Variants in SLC1A3 observed in about 807,000 individuals in gnomAD.
The protein encoded by SLC1A3 is solute carrier family 1 member 3.
A neutral mutation model predicts 48.1 loss-of-function variants in SLC1A3; 21 were observed. The ratio of observed to expected loss-of-function variants is 0.44; its 90% CI spans 0.31 to 0.63. The LOEUF (loss-of-function observed/expected upper bound fraction) is 0.63, where lower values mean the gene tolerates loss of function less well. SLC1A3 is among the 20% of genes least tolerant of loss of function. SLC1A3 has a pLI of 0.08. For synonymous variants in SLC1A3, 239 were observed against 251.4 expected (o/e 0.95, Z 0.47); for missense variants, 546 against 689.0 (o/e 0.79, Z 2.32).
intron 3 of SLC1A3, among the ~76,000 whole-genome samples, chr5:36,633,290 A>G (rs1740207307): frequency 6.6e-6 from 1 of 152,146 alleles, no homozygotes; most frequent in African/African-American, 2.4e-5. Flanking sequence ...CTCAGAAGAA[A>G]TCTTTGGTGT....
upstream of SLC1A3, among the ~76,000 whole-genome samples, chr5:36,603,460 T>C (rs1738831305): frequency 6.6e-6 from 1 of 152,250 alleles, no homozygotes; most frequent in Non-Finnish European, 1.5e-5. Flanking sequence ...TCAATGTTTG[T>C]TGAAAGAATA....
intron 3 of SLC1A3, among the ~76,000 whole-genome samples, chr5:36,658,925 G>A (rs1158790796): frequency 1.3e-5 from 2 of 152,038 alleles, no homozygotes; most frequent in Admixed American, 1.3e-4. Flanking sequence ...ACTAACTCCA[G>A]TGCAGGTCCC....
intron 2 of SLC1A3, among the ~76,000 whole-genome samples, chr5:36,618,067 C>T (rs981071918): frequency 3.9e-5 from 6 of 152,174 alleles, no homozygotes; most frequent in Non-Finnish European, 7.4e-5. Context: ...GCAGTTTGTG[C>T]GGGTTCCGCA....
chr5:36,634,212 G>T (rs529792719), intron 3 of SLC1A3, among the ~76,000 whole-genome samples: 2 of 152,038 alleles, frequency 1.3e-5, no homozygotes, highest in Non-Finnish European at 2.9e-5. Flanking sequence ...GGAGGCTGAG[G>T]TTACAGTGAG....
chr5:36,607,263 C>G (rs953852810), intron 1 of SLC1A3: 5 of 152,086 alleles, frequency 3.3e-5, no homozygotes, highest in South Asian at 4.1e-4. Context: ...TTACCTCCCC[C>G]ACAGGCGCAC....
chr5:36,638,218 A>G (rs989448210), intron 3 of SLC1A3, among the ~76,000 whole-genome samples: 3 of 152,232 alleles, frequency 2.0e-5, no homozygotes, highest in Non-Finnish European at 4.4e-5. Flanking sequence ...AGGCTTCTTG[A>G]AGGTACTGTG....
At chr5:36,655,511 C>T (rs1741251589) in intron 3 of SLC1A3, among the ~76,000 whole-genome samples, 1 of 152,176 alleles carries the variant, frequency 6.6e-6, no homozygotes, top group Non-Finnish European at 1.5e-5. Context: ...CCTGAGTAAA[C>T]AATTAAAAGT....
chr5:36,601,229 G>A (rs1738804001), intron 1 of SLC1A3, among the ~76,000 whole-genome samples: 1 of 151,864 alleles, frequency 6.6e-6, no homozygotes, highest in East Asian at 1.9e-4. Context: ...TCATCACTGT[G>A]CTTCATAAAA....
chr5:36,681,582 T>G (rs1220442497), intron 8 of SLC1A3, among the ~76,000 whole-genome samples: 1 of 152,218 alleles, frequency 6.6e-6, no homozygotes, highest in Non-Finnish European at 1.5e-5. Context: ...GTTATTTTCC[T>G]TTCCATACCT....
intron 5 of SLC1A3, 29 bp from the exon 6 acceptor site, chr5:36,676,863 T>C (rs995787492): frequency 1.3e-6 from 2 of 1,563,774 alleles, no homozygotes; most frequent in Non-Finnish European, 1.7e-6. Context: ...AAATCACCTT[T>C]AATCCTCGTT....
rs778136913 is a variant in SLC1A3 at position 36,676,933 on chromosome 5, C to G, written c.609C>G (p.Ile203Met). 5 of 1,613,836 alleles carry G rather than the reference C, an allele frequency of 3.1e-6. No homozygotes were observed. The African/African-American group carries it at 5.3e-5, about 17-fold the overall frequency. Residue 203 changes from isoleucine (I) to methionine (M), a missense_variant, in exon 6 of 10, where the codon ATC becomes ATG. Around this residue, in one of 3 missense-constraint regions of SLC1A3, gnomAD observed 348 missense variants for 392.0 expected, o/e 0.89. Coordinates refer to ENST00000265113, the MANE Select transcript of SLC1A3 (RefSeq NM_004172.5). ...NYEKRSFKVPIQANETLVGAV... is the reference protein window; with the variant it reads ...NYEKRSFKVPMQANETLVGAV... ...AGAAGAGAAGCTTTAAAGTGCCCATCCAGGCCAACGAAACGCTTGTGGGTG... is the reference window on the plus strand; with the variant it reads ...AGAAGAGAAGCTTTAAAGTGCCCATGCAGGCCAACGAAACGCTTGTGGGTG...
At chr5:36,679,902 T>C in intron 7 of SLC1A3, 42 bp downstream of exon 7, 1 of 1,418,970 alleles carries the variant, frequency 7.0e-7, no homozygotes, top group Non-Finnish European at 1.0e-6. Context: ...AATGTTACCT[T>C]GAACCAGGGC....
At chr5:36,684,879 G>A (rs921146134) in intron 9 of SLC1A3, among the ~76,000 whole-genome samples, 3 of 152,120 alleles carry the variant, frequency 2.0e-5, no homozygotes, top group Non-Finnish European at 2.9e-5. Context: ...GAGGGTGCCC[G>A]TGTCCTCTAC....
intron 6 of SLC1A3, among the ~76,000 whole-genome samples, chr5:36,678,851 T>C (rs1742318860): frequency 1.3e-5 from 2 of 152,210 alleles, no homozygotes; most frequent in South Asian, 4.1e-4. Context: ...TATAACCTGA[T>C]TGCAGTAGTA....
chr5:36,683,777 A>G (rs200490301), intron 8 of SLC1A3, 87 bp from the exon 9 acceptor site: 2 of 1,445,230 alleles, frequency 1.4e-6, no homozygotes, highest in African/African-American at 1.4e-5. Flanking sequence ...CAAGTCAGGC[A>G]TCGGCACCGT....
chr5:36,686,271 C>T lies in SLC1A3; in HGVS notation c.*2C>T, dbSNP rs1407510895. ...ATCGACAGTGAAACCAAGATGTAGA[C>T]TAACATAAAGAAACACTTTCTTGAG... On this transcript the variant is annotated 3_prime_UTR_variant, in exon 10 of 10. Transcript: ENST00000265113. 1 of 1,605,230 alleles carries T rather than the reference C, an allele frequency of 6.2e-7. No homozygotes were observed. The highest frequency in any genetic ancestry group is 1.7e-5 in the Admixed American group (1 of 59,988).
chr5:36,652,212 C>T (rs1057292430), intron 3 of SLC1A3, among the ~76,000 whole-genome samples: 4 of 152,164 alleles, frequency 2.6e-5, no homozygotes, highest in Non-Finnish European at 5.9e-5. Context: ...GTGAGTGTTA[C>T]ATGAGAGTTT....
chr5:36,622,630 T>TA (rs1739721704), intron 2 of SLC1A3, among the ~76,000 whole-genome samples: 1 of 152,078 alleles, frequency 6.6e-6, no homozygotes, highest in Admixed American at 6.5e-5. Context: ...CCTTAAAGAG[T>TA]AAACCTATGA....
chr5:36,644,059 T>A (rs958577529), intron 3 of SLC1A3, among the ~76,000 whole-genome samples: 1 of 147,788 alleles, frequency 6.8e-6, no homozygotes, highest in Admixed American at 6.7e-5. Context: ...ATAAATAAAT[T>A]GCAATGTGAA....
Sources: gnomAD v4.1 joint callset for allele counts (sites outside exome capture counted in the v4.1 genomes callset) on GRCh38, gnomAD v4.1.1 for gene constraint, gnomAD v4.1.1 regional missense constraint, MANE v1.5 for transcripts, NCBI Gene and HGNC (gene_info 2026-07-23, HGNC 2026-07-21) for gene names.